The following AASDH variants were observed in gnomAD, a reference collection of about 807,000 sequenced individuals.
AASDH encodes the protein aminoadipate-semialdehyde dehydrogenase.
A neutral mutation model predicts 102.3 loss-of-function variants in AASDH; 81 were observed. That is an observed-to-expected ratio of 0.79 (90% CI 0.66 to 0.95). The LOEUF is 0.95. Among genes scored for constraint, AASDH ranks in the 40% least tolerant of loss-of-function variants. The pLI is 0.00. For missense variants in AASDH, 1,203 were observed against 1,266.2 expected (o/e 0.95, Z 0.76); for synonymous variants, 398 against 454.0 (o/e 0.88, Z 1.57).
At chr4:56,356,698 C>T (rs1328184010) in intron 5 of AASDH, 4 of 696,376 alleles carry the variant, frequency 5.7e-6, no homozygotes, top group African/African-American at 1.7e-5. Flanking sequence ...GAAGGGAAGA[C>T]TGGGATGTCT....
At chr4:56,345,099 G>A (rs375108527) in intron 12 of AASDH, 28 bp downstream of exon 12, 246 of 1,610,354 alleles carry the variant, frequency 1.5e-4, no homozygotes, top group Non-Finnish European at 1.9e-4. Context: ...GCGCCACCAT[G>A]CCCAGCTAAT....
At chr4:56,385,291 G>A (rs1233727093) in intron 1 of AASDH, among the ~76,000 whole-genome samples, 3 of 152,098 alleles carry the variant, frequency 2.0e-5, no homozygotes, top group African/African-American at 4.8e-5. Flanking sequence ...AGTCATACTT[G>A]TATAATTGTC....
At position 56,345,417 on chromosome 4, in the gene AASDH, G is replaced by A. The variant is rs552781607; in HGVS notation, c.2489-127C>T. The A allele has an allele frequency of 2.7e-5, 23 of 863,978 alleles. No individual in the cohort carries two copies. The South Asian group carries it at 4.4e-4, about 16-fold the overall frequency. 53.5% of individuals were successfully genotyped at this position (863,978 alleles called of 1,614,324 possible). ...ATAGGCTCTATGATAAGCTCATCTG[G>A]CTTACATTTTAGCAATGTAAAGCAG... On this transcript the variant is annotated intron_variant, in intron 11 of 14. Transcript: ENST00000205214.
Position 56,350,058 on chromosome 4 carries a change from A to C in AASDH, c.1693T>G (p.Ser565Ala), listed in dbSNP as rs754257534. 1 of 1,570,306 alleles carries C rather than the reference A, an allele frequency of 6.4e-7. No homozygotes were observed. Among genetic ancestry groups the C allele is most frequent in the Admixed American group, 2.0e-5 (1 of 50,856 alleles). ...AGATCTTCTGGGAGATTCAGAGTAGACTACAGATGAGAGAATAGAGAAATA... is the reference window on the plus strand; with the variant it reads ...AGATCTTCTGGGAGATTCAGAGTAGCCTACAGATGAGAGAATAGAGAAATA... ...LWEKLQYLWK[S>A]TLNLPEDLLR... Residue 565 changes from serine (S) to alanine (A), a missense_variant and splice_region_variant, in exon 11 of 15, where the codon TCT (serine) becomes GCT (alanine). Ser to Ala is a moderately conservative substitution (Grantham distance 99). Coordinates refer to ENST00000205214, the MANE Select transcript of AASDH (RefSeq NM_181806.4).
At chr4:56,376,441 C>T (rs766991119) in intron 4 of AASDH, among the ~76,000 whole-genome samples, 2 of 152,188 alleles carry the variant, frequency 1.3e-5, no homozygotes, top group Non-Finnish European at 2.9e-5. Flanking sequence ...TTCGTTATCT[C>T]CTATTCTCTT....
chr4:56,349,719 AAGC>A lies in AASDH; in HGVS notation c.2029_2031del (p.Ala677del). The A allele has an allele frequency of 6.2e-7, 1 of 1,614,182 alleles. No homozygotes were observed. The highest frequency in any genetic ancestry group is 8.5e-7 in the Non-Finnish European group (1 of 1,180,028). On this transcript the variant is annotated inframe_deletion, in exon 11 of 15. Coordinates refer to ENST00000205214, the MANE Select transcript of AASDH (RefSeq NM_181806.4). ...TGACTCCCTCTGCTCAGTACAACAA[AAGC>A]ATTAATCTCATTGTGGCAAGTGAAA...
At chr4:56,354,629 G>A in intron 7 of AASDH, 76 bp downstream of exon 7, 1 of 1,090,758 alleles carries the variant, frequency 9.2e-7, no homozygotes, top group South Asian at 1.5e-5. Flanking sequence ...AAAAGAAAAA[G>A]ACGAAAGGAA....
At chr4:56,339,182 C>G (rs1388226890) in intron 14 of AASDH, among the ~76,000 whole-genome samples, 9 of 150,956 alleles carry the variant, frequency 6.0e-5, no homozygotes, top group Non-Finnish European at 5.9e-5. Flanking sequence ...GAGATGGAGT[C>G]TTGCTCTGTC....
intron 2 of AASDH, among the ~76,000 whole-genome samples, chr4:56,382,874 A>G (rs2110011803): frequency 6.6e-6 from 1 of 152,340 alleles, no homozygotes; most frequent in East Asian, 1.9e-4. Context: ...GTTGGAGACC[A>G]GCCTGACCAA....
At chr4:56,362,418 C>A (rs925220436) in intron 5 of AASDH, among the ~76,000 whole-genome samples, 2 of 152,140 alleles carry the variant, frequency 1.3e-5, no homozygotes, top group African/African-American at 4.8e-5. Context: ...GTGTGCACCA[C>A]CATGCCTGGC....
chr4:56,358,776 T>C (rs920786817), intron 5 of AASDH, among the ~76,000 whole-genome samples: 2 of 152,162 alleles, frequency 1.3e-5, no homozygotes, highest in African/African-American at 4.8e-5. Context: ...TGTGCCAATG[T>C]GCTTAAAAAG....
intron 3 of AASDH, among the ~76,000 whole-genome samples, chr4:56,380,206 T>C (rs1400755481): frequency 2.0e-5 from 3 of 152,046 alleles, no homozygotes; most frequent in Non-Finnish European, 4.4e-5. Flanking sequence ...TCTAAGAAAA[T>C]TGTTGGGTTT....
intron 3 of AASDH, among the ~76,000 whole-genome samples, chr4:56,381,031 T>C (rs191132139): frequency 7.6e-4 from 116 of 152,274 alleles, no homozygotes; most frequent in Non-Finnish European, 1.4e-3. Context: ...GGAAGCAAGG[T>C]TTTGCTGCGC....
In AASDH at chr4:56,338,509, G is replaced by A. The variant is rs562650137; in HGVS notation, c.3190C>T (p.Pro1064Ser). The A allele has an allele frequency of 3.2e-5, 51 of 1,613,958 alleles. 1 individual carries two copies. The highest frequency in any genetic ancestry group is 1.7e-4 in the Admixed American group (10 of 59,976). ...ACAGGAGAAGAGAAGACTTCTCCAG[G>A]AAGTTCATAAACACTTTGCAATTGT... Reference protein sequence around the residue: ...SGQLQSVYELPGEVFSSPVVL... With the variant: ...SGQLQSVYELSGEVFSSPVVL... The change falls in exon 15 of 15, where the codon CCT becomes TCT. Residue 1064 changes from proline (P) to serine (S), a missense_variant. Coordinates refer to ENST00000205214, the MANE Select transcript of AASDH (RefSeq NM_181806.4).
intron 8 of AASDH, 118 bp downstream of exon 8, chr4:56,353,921 C>T: frequency 2.2e-6 from 2 of 914,478 alleles, no homozygotes; most frequent in Non-Finnish European, 3.1e-6. Flanking sequence ...TATTGTAATT[C>T]ATCACTAACA....
At chr4:56,374,955 A>G (rs1408903983) in intron 4 of AASDH, among the ~76,000 whole-genome samples, 1 of 152,240 alleles carries the variant, frequency 6.6e-6, no homozygotes, top group Admixed American at 6.5e-5. Context: ...GATTTGAAAG[A>G]TCTATCTAAA....
rs773940228 is a variant in AASDH at position 56,355,323 on chromosome 4, G to C, written c.962C>G (p.Ala321Gly). The change falls in exon 6 of 15, where the codon GCG becomes GGG. Residue 321 changes from alanine to glycine, a missense_variant. Transcript: ENST00000205214. ...TCTGAGAACTGTCAATGATGGAAAC[G>C]CTTCACCACCAAGGGCTAATACTCG... ...SLRVLALGGE[A>G]FPSLTVLRSW... 6.2e-7 allele frequency: 1 copy of C among 1,614,102 alleles called. No homozygotes were observed. The highest frequency in any genetic ancestry group is 1.7e-5 in the Admixed American group (1 of 60,010).
chr4:56,382,171 C>CA (rs1753042457), intron 3 of AASDH: 1 of 268,672 alleles, frequency 3.7e-6, no homozygotes, highest in African/African-American at 2.3e-5. Flanking sequence ...TAGTGGCTCA[C>CA]AATGGAGTGT....
chr4:56,371,388 T>G (rs1751685347), intron 5 of AASDH, 63 bp downstream of exon 5: 1 of 1,476,914 alleles, frequency 6.8e-7, no homozygotes, highest in African/African-American at 1.4e-5. Context: ...TACAAAATAT[T>G]CTCTAAAACA....
Sources: gnomAD v4.1 joint callset for allele counts (sites outside exome capture counted in the v4.1 genomes callset) on GRCh38, gnomAD v4.1.1 for gene constraint, MANE v1.5 for transcripts, NCBI Gene and HGNC (gene_info 2026-07-23, HGNC 2026-07-21) for gene names.